Variants in WWOX observed in about 807,000 individuals in gnomAD.
The protein encoded by WWOX is WW domain-containing oxidoreductase.
WWOX carries 69 observed loss-of-function variants against 46.2 expected under a neutral mutation model. That is an observed-to-expected ratio of 1.49 (90% CI 1.23 to 1.82). The LOEUF is 1.82. WWOX is among the 40% of genes most tolerant of loss of function. The pLI is 0.00. For synonymous variants in WWOX, 359 were observed against 202.6 expected (o/e 1.77, Z -6.56); for missense variants, 919 against 542.6 (o/e 1.69, Z -6.89).
intron 8 of WWOX, among the ~76,000 whole-genome samples, chr16:78,630,219 G>T (rs1193879342): frequency 6.6e-6 from 1 of 152,212 alleles, no homozygotes; most frequent in Non-Finnish European, 1.5e-5. Flanking sequence ...CACAAGGCCA[G>T]GCACTGGGGT....
chr16:78,213,947 C>T (rs993743502), intron 5 of WWOX, among the ~76,000 whole-genome samples: 1 of 152,108 alleles, frequency 6.6e-6, no homozygotes, highest in African/African-American at 2.4e-5. Flanking sequence ...ACGCTGTGGC[C>T]CGCGCCTCCC....
chr16:79,033,703 C>G (rs1380643752), intron 8 of WWOX, among the ~76,000 whole-genome samples: 1 of 152,224 alleles, frequency 6.6e-6, no homozygotes, highest in South Asian at 2.1e-4. Context: ...ACCCACAGAA[C>G]ACTGGCTCCT....
chr16:78,247,685 GC>G (rs1332204801), intron 5 of WWOX, among the ~76,000 whole-genome samples: 1 of 152,198 alleles, frequency 6.6e-6, no homozygotes, highest in Non-Finnish European at 1.5e-5. Flanking sequence ...TGGCCTTGGG[GC>G]AGGTCAGTCC....
intron 8 of WWOX, among the ~76,000 whole-genome samples, chr16:79,036,425 C>G (rs1288046799): frequency 6.6e-6 from 1 of 152,228 alleles, no homozygotes; most frequent in Non-Finnish European, 1.5e-5. Flanking sequence ...CGTTGACCTC[C>G]ATATAAGTAT....
chr16:78,272,178 C>G (rs746459986), intron 5 of WWOX, among the ~76,000 whole-genome samples: 1 of 152,136 alleles, frequency 6.6e-6, no homozygotes, highest in African/African-American at 2.4e-5. Flanking sequence ...TCTTCTGCCC[C>G]TTGTGGTGTT....
Position 78,710,473 on chromosome 16 carries a change from CATATATATATATAT to C in WWOX, c.1056+277734_1056+277747del, listed in dbSNP as rs544025863. ...TGATGCAATTAAAGCTAATGGATCT[CATATATATATATAT>C]ATATATATATATTTATATAAATATA... On this transcript the variant is annotated intron_variant, in intron 8 of 8. Coordinates refer to ENST00000566780, the MANE Select transcript of WWOX (RefSeq NM_016373.4). Among the ~76,000 whole-genome samples the C allele has an allele frequency of 2.0e-4, 13 of 63,622 alleles. 1 individual carries two copies. The South Asian group carries it at 2.1e-3, about 10-fold the overall frequency. The allele number at this position is 63,622 out of a possible 152,430, so 41.7% of individuals were successfully genotyped here.
chr16:78,506,958 C>A (rs986760036), intron 8 of WWOX, among the ~76,000 whole-genome samples: 1 of 152,168 alleles, frequency 6.6e-6, no homozygotes, highest in African/African-American at 2.4e-5. Flanking sequence ...AAGTGATCCT[C>A]CCACCTCAGC....
At chr16:79,026,614 CTTTT>C (rs748965500) in intron 8 of WWOX, among the ~76,000 whole-genome samples, 1 of 101,110 alleles carries the variant, frequency 9.9e-6, no homozygotes, top group Non-Finnish European at 1.9e-5. Context: ...GTGGTAGACT[CTTTT>C]TTTTTTTTTT....
At chr16:78,388,566 G>T (rs368148942) in intron 6 of WWOX, among the ~76,000 whole-genome samples, 1 of 134,710 alleles carries the variant, frequency 7.4e-6, no homozygotes, top group African/African-American at 2.8e-5. Context: ...AAAATCGCTT[G>T]AACCTGGGAG....
chr16:78,579,131 T>C (rs2044981666), intron 8 of WWOX, among the ~76,000 whole-genome samples: 1 of 152,298 alleles, frequency 6.6e-6, no homozygotes, highest in African/African-American at 2.4e-5. Context: ...TTTCTAGTTA[T>C]TGTGGGTGTT....
intron 6 of WWOX, among the ~76,000 whole-genome samples, chr16:78,409,587 C>T (rs2082627996): frequency 6.6e-6 from 1 of 152,202 alleles, no homozygotes; most frequent in African/African-American, 2.4e-5. Context: ...CTATCTCACT[C>T]TGTTAGTTTT....
At chr16:79,045,864 C>G (rs1348368523) in intron 8 of WWOX, among the ~76,000 whole-genome samples, 2 of 121,540 alleles carry the variant, frequency 1.6e-5, no homozygotes, top group Non-Finnish European at 3.2e-5. Context: ...TGCAGTGGCA[C>G]AATCTCAGCT....
At chr16:78,593,548 A>T (rs2459106) in intron 8 of WWOX, among the ~76,000 whole-genome samples, 148,685 of 152,252 alleles carry the variant, frequency 0.98, 72,709 homozygotes, top group Middle Eastern at 1. Context: ...GCCACAGTGC[A>T]TGATGGGGGA....
intron 5 of WWOX, among the ~76,000 whole-genome samples, chr16:78,224,507 T>C (rs558536634): frequency 5.9e-4 from 90 of 152,312 alleles, no homozygotes; most frequent in Non-Finnish European, 9.7e-4. Context: ...AACAGCATTA[T>C]TTTTAATAGC....
intron 8 of WWOX, among the ~76,000 whole-genome samples, chr16:79,046,858 C>G (rs1310435110): frequency 6.6e-6 from 1 of 152,184 alleles, no homozygotes; most frequent in Non-Finnish European, 1.5e-5. Flanking sequence ...CATTTCTAGT[C>G]CTTCTTTTCT....
intron 5 of WWOX, among the ~76,000 whole-genome samples, chr16:78,189,736 C>A (rs911216770): frequency 6.6e-6 from 1 of 151,480 alleles, no homozygotes; most frequent in Non-Finnish European, 1.5e-5. Context: ...CTCACTGCAA[C>A]CTCCGCCTCC....
intron 8 of WWOX, among the ~76,000 whole-genome samples, chr16:78,767,053 T>C (rs2049939474): frequency 6.6e-6 from 1 of 151,650 alleles, no homozygotes; most frequent in African/African-American, 2.4e-5. Context: ...TCTTTCTTCC[T>C]CTCCTTCCCT....
At chr16:78,837,446 G>C (rs1011929041) in intron 8 of WWOX, among the ~76,000 whole-genome samples, 1 of 152,182 alleles carries the variant, frequency 6.6e-6, no homozygotes, top group Non-Finnish European at 1.5e-5. Context: ...AGCAATTTAA[G>C]TCAAAAATGG....
At chr16:78,542,095 G>A (rs1482994169) in intron 8 of WWOX, among the ~76,000 whole-genome samples, 1 of 144,032 alleles carries the variant, frequency 6.9e-6, no homozygotes, top group Non-Finnish European at 1.5e-5. Flanking sequence ...TCTTCATGAT[G>A]TTTGTAAAGT....
Sources: allele counts gnomAD v4.1 joint callset (sites outside exome capture counted in the v4.1 genomes callset), GRCh38; gene constraint gnomAD v4.1.1; transcripts MANE v1.5; gene names NCBI Gene and HGNC (gene_info 2026-07-23, HGNC 2026-07-21).